PITPNM2: variants seen among roughly 807,000 people sequenced by gnomAD.
PITPNM2 encodes phosphatidylinositol transfer protein membrane associated 2, also known as membrane-associated phosphatidylinositol transfer protein 2.
Under a neutral mutation model 132.2 loss-of-function variants are expected in PITPNM2, and 35 were observed. That is an observed-to-expected ratio of 0.26 (90% CI 0.20 to 0.35). PITPNM2 has a LOEUF of 0.35. PITPNM2 is among the 10% of genes least tolerant of loss of function. The pLI is 1.00. For synonymous variants in PITPNM2, 738 were observed against 799.2 expected (o/e 0.92, Z 1.29); for missense variants, 1,332 against 1,912.0 (o/e 0.70, Z 5.66).
Position 122,994,912 on chromosome 12 carries a change from C to T in PITPNM2, c.2122G>A (p.Gly708Ser). ...RHSSSSTMLD[G>S]TGALGRFDFE... Reference sequence around the variant, plus strand: ...TCAAACCTGCCCAGGGCACCTGTGCCATCCAGCATGGTGGAGCTGCTGGAA... The same window carrying T: ...TCAAACCTGCCCAGGGCACCTGTGCTATCCAGCATGGTGGAGCTGCTGGAA... Residue 708 changes from glycine to serine, a missense_variant, in exon 15 of 26, where the codon GGC becomes AGC. This residue lies in a region of PITPNM2 where 710 missense variants were observed against 911.5 expected (regional missense o/e 0.78). Transcript: ENST00000320201. This position sits in a 1 kb window ranked among gnomAD's most constrained non-coding sequence, Gnocchi z 5.4. 1.2e-6 allele frequency: 2 copies of T among 1,612,136 alleles called. No homozygotes were observed. The highest frequency in any genetic ancestry group is 1.7e-6 in the Non-Finnish European group (2 of 1,179,850).
chr12:122,989,108 G>A (rs1334269439), intron 18 of PITPNM2, among the ~76,000 whole-genome samples: 2 of 152,174 alleles, frequency 1.3e-5, no homozygotes, highest in Non-Finnish European at 2.9e-5. Flanking sequence ...CTGCGGTTGC[G>A]TGGGAGGACC....
chr12:123,142,773 G>A (rs755138859), intron 1 of PITPNM2, among the ~76,000 whole-genome samples: 1 of 151,970 alleles, frequency 6.6e-6, no homozygotes, highest in East Asian at 1.9e-4. Flanking sequence ...TGCTCCGTGA[G>A]CCTCACTTAT....
intron 2 of PITPNM2, among the ~76,000 whole-genome samples, chr12:123,070,542 T>C (rs1248852912): frequency 2.0e-5 from 3 of 152,112 alleles, no homozygotes; most frequent in South Asian, 2.1e-4. Flanking sequence ...CAGAGGAACA[T>C]GACACACGCT....
In PITPNM2 at chr12:123,078,226, C is replaced by T. The variant is rs189129019; in HGVS notation, c.-96+32159G>A. On this transcript the variant is annotated intron_variant, in intron 2 of 25. Coordinates refer to ENST00000320201, the MANE Select transcript of PITPNM2 (RefSeq NM_020845.3). This position sits in a 1 kb window ranked among gnomAD's most constrained non-coding sequence, Gnocchi z 7.3. ...CCAAGGCGGGCGGAGGAGCCATATG[C>T]CAGAGGGAAGGCATCAGCAGAGAGC... Among the ~76,000 whole-genome samples, 3 of 152,272 alleles carry T rather than the reference C, an allele frequency of 2.0e-5. No individual in the cohort carries two copies. The East Asian group carries it at 5.8e-4, about 29-fold the overall frequency.
Position 123,108,571 on chromosome 12 carries a change from G to A in PITPNM2, c.-96+1814C>T, listed in dbSNP as rs1428467197. Among the ~76,000 whole-genome samples the A allele has an allele frequency of 6.6e-6, 1 of 152,184 alleles. No individual in the cohort carries two copies. Among genetic ancestry groups the A allele is most frequent in the Non-Finnish European group, 1.5e-5 (1 of 68,036 alleles). On this transcript the variant is annotated intron_variant, in intron 2 of 25. Coordinates refer to ENST00000320201, the MANE Select transcript of PITPNM2 (RefSeq NM_020845.3). This position sits in a 1 kb window ranked among gnomAD's most constrained non-coding sequence, Gnocchi z 4.4. ...CCTGGAGAAGCTGCAAGTCAGGGCT[G>A]AGTGTTACTATGTGCCCTCCCCTAC...
intron 2 of PITPNM2, among the ~76,000 whole-genome samples, chr12:123,052,339 T>A (rs1466987193): frequency 6.6e-6 from 1 of 152,150 alleles, no homozygotes; most frequent in East Asian, 1.9e-4. Flanking sequence ...ATAAATTTAT[T>A]CTCTTACAGT....
intron 5 of PITPNM2, among the ~76,000 whole-genome samples, chr12:123,012,062 G>C (rs559163903): frequency 2.6e-5 from 4 of 152,332 alleles, no homozygotes; most frequent in African/African-American, 9.6e-5. Flanking sequence ...AGCTGCACTG[G>C]CCCACATATG....
At chr12:123,128,253 C>T (rs2043187927) in intron 1 of PITPNM2, among the ~76,000 whole-genome samples, 2 of 90,496 alleles carry the variant, frequency 2.2e-5, no homozygotes, top group South Asian at 8.4e-4. Flanking sequence ...CATGGCGAAA[C>T]CCCATCTCTA....
rs2042031984 is a variant in PITPNM2 at position 123,083,752 on chromosome 12, A to G, written c.-96+26633T>C. 6.6e-6 allele frequency: 1 copy of G among 152,578 alleles called. No homozygotes were observed. Among genetic ancestry groups the G allele is most frequent in the Admixed American group, 6.5e-5 (1 of 15,288 alleles). The allele number at this position is 152,578 out of a possible 1,614,324, so 9.5% of individuals were successfully genotyped here. On this transcript the variant is annotated intron_variant, in intron 2 of 25. Coordinates refer to ENST00000320201, the MANE Select transcript of PITPNM2 (RefSeq NM_020845.3). This position sits in a 1 kb window ranked among gnomAD's most constrained non-coding sequence, Gnocchi z 4.5. ...TTGGCCAACAGAGCCTGAAGCCAGC[A>G]CATCGTGGAGGGGCAGCAGCCTGGG...
chr12:123,011,182 C>A (rs576544357), intron 5 of PITPNM2, among the ~76,000 whole-genome samples: 2 of 152,140 alleles, frequency 1.3e-5, no homozygotes, highest in Admixed American at 6.5e-5. Flanking sequence ...TTTTTGCGGT[C>A]GGTTCTGCTC....
intron 18 of PITPNM2, 66 bp from the exon 19 acceptor site, chr12:122,988,938 C>T: frequency 6.8e-7 from 1 of 1,462,254 alleles, no homozygotes. Flanking sequence ...GAAGGGTCAC[C>T]CGGCCCCTCT....
At chr12:123,094,043 A>G (rs1190598373) in intron 2 of PITPNM2, among the ~76,000 whole-genome samples, 1 of 152,232 alleles carries the variant, frequency 6.6e-6, no homozygotes, top group African/African-American at 2.4e-5. Flanking sequence ...TGGGGATGCT[A>G]TGTGGCTGTG....
intron 1 of PITPNM2, among the ~76,000 whole-genome samples, chr12:123,120,403 T>A (rs536284819): frequency 6.6e-6 from 1 of 152,304 alleles, no homozygotes; most frequent in East Asian, 1.9e-4. Context: ...AGCCTCCTTG[T>A]CAAGAGTGCC....
chr12:123,064,864 T>A lies in PITPNM2; in HGVS notation c.-95-30179A>T, dbSNP rs1388467050. ...CATTCAAGCCTTGTCTTTGAGCAAG[T>A]CCTTTACCTGCTCCAGGCCTCAGTG... On this transcript the variant is annotated intron_variant, in intron 2 of 25. Coordinates refer to ENST00000320201, the MANE Select transcript of PITPNM2 (RefSeq NM_020845.3). The surrounding 1 kb of genome is among the most constrained non-coding windows in gnomAD (Gnocchi z 4.0). Among the ~76,000 whole-genome samples, 1 of 152,168 alleles carries A rather than the reference T, an allele frequency of 6.6e-6. No individual in the cohort carries two copies. Among genetic ancestry groups the A allele is most frequent in the Non-Finnish European group, 1.5e-5 (1 of 68,028 alleles).
chr12:123,102,418 G>A, intron 2 of PITPNM2, among the ~76,000 whole-genome samples: 1 of 152,248 alleles, frequency 6.6e-6, no homozygotes, highest in East Asian at 1.9e-4. Flanking sequence ...ATCAATGGAA[G>A]TAATTTCCAA....
chr12:123,069,923 G>C (rs1277865626), intron 2 of PITPNM2, among the ~76,000 whole-genome samples: 1 of 152,140 alleles, frequency 6.6e-6, no homozygotes, highest in African/African-American at 2.4e-5. Context: ...GTTTCCCAAG[G>C]TGACAGTGAA....
intron 8 of PITPNM2, among the ~76,000 whole-genome samples, chr12:123,001,904 G>T (rs1049516344): frequency 6.6e-6 from 1 of 152,000 alleles, no homozygotes; most frequent in African/African-American, 2.4e-5. Flanking sequence ...GGTGGTGTGC[G>T]CCTGTAGTCT....
intron 17 of PITPNM2, among the ~76,000 whole-genome samples, chr12:122,990,291 C>T (rs1329243491): frequency 1.3e-5 from 2 of 152,254 alleles, no homozygotes; most frequent in Non-Finnish European, 2.9e-5. Flanking sequence ...CGCCTTCTTC[C>T]AGAATCCTCC....
At chr12:123,128,811 A>G (rs1413487918) in intron 1 of PITPNM2, among the ~76,000 whole-genome samples, 1 of 151,734 alleles carries the variant, frequency 6.6e-6, no homozygotes, top group African/African-American at 2.4e-5. Context: ...TCATGTTGAA[A>G]TATTTGCCTA....
Sources: allele counts gnomAD v4.1 joint callset (sites outside exome capture counted in the v4.1 genomes callset), GRCh38; gene constraint gnomAD v4.1.1; regional missense constraint gnomAD v4.1.1; non-coding constraint Gnocchi (gnomAD v3.1); transcripts MANE v1.5; gene names NCBI Gene and HGNC (gene_info 2026-07-23, HGNC 2026-07-21).